HS6ST3: variants seen among roughly 807,000 people sequenced by gnomAD.
The protein encoded by HS6ST3 is heparan sulfate 6-O-sulfotransferase 3, also known as heparan-sulfate 6-O-sulfotransferase 3.
A neutral mutation model predicts 36.7 loss-of-function variants in HS6ST3; 12 were observed. The ratio of observed to expected loss-of-function variants is 0.33; its 90% CI spans 0.21 to 0.53. The LOEUF (loss-of-function observed/expected upper bound fraction) is 0.53. HS6ST3 is among the 20% of genes least tolerant of loss of function. The pLI is 0.95. For synonymous variants in HS6ST3, 240 were observed against 257.5 expected, an observed-to-expected ratio of 0.93 and a Z score of 0.65; for missense variants, 584 against 640.9, an observed-to-expected ratio of 0.91 and a Z score of 0.96.
At chr13:96,201,885 G>T (rs866595540) in intron 1 of HS6ST3, among the ~76,000 whole-genome samples, 1 of 152,148 alleles carries the variant, frequency 6.6e-6, no homozygotes. Context: ...CTGTATGTGT[G>T]TGTATATATG....
chr13:96,395,661 T>C, intron 1 of HS6ST3, among the ~76,000 whole-genome samples: 1 of 152,182 alleles, frequency 6.6e-6, no homozygotes, highest in South Asian at 2.1e-4. Flanking sequence ...GAAAACTATT[T>C]TGGGGGGTCT....
intron 1 of HS6ST3, among the ~76,000 whole-genome samples, chr13:96,785,385 T>C (rs1005251281): frequency 6.6e-6 from 1 of 151,792 alleles, no homozygotes; most frequent in Non-Finnish European, 1.5e-5. Flanking sequence ...AATGAAGAAA[T>C]AACTCAGATC....
At chr13:96,585,804 A>G (rs183158276) in intron 1 of HS6ST3, among the ~76,000 whole-genome samples, 1 of 152,338 alleles carries the variant, frequency 6.6e-6, no homozygotes, top group Admixed American at 6.5e-5. Context: ...ATGGTTGACT[A>G]GTGTTCCACT....
intron 1 of HS6ST3, among the ~76,000 whole-genome samples, chr13:96,132,179 A>G (rs1260245889): frequency 7.0e-6 from 1 of 143,860 alleles, no homozygotes; most frequent in Non-Finnish European, 1.5e-5. Flanking sequence ...CACAGAGCGC[A>G]TTTTCTTTTT....
intron 1 of HS6ST3, among the ~76,000 whole-genome samples, chr13:96,254,498 T>TACACACATACATACAC (rs1249145694): frequency 4.8e-4 from 10 of 20,848 alleles, no homozygotes; most frequent in African/African-American, 1.6e-3. Context: ...TATATATATA[T>TACACACATACATACAC]ACACATACAT....
chr13:96,683,478 T>C (rs546030249), intron 1 of HS6ST3, among the ~76,000 whole-genome samples: 1 of 152,250 alleles, frequency 6.6e-6, no homozygotes, highest in Admixed American at 6.6e-5. Flanking sequence ...TACTAGCAGG[T>C]ATTATTTCAT....
At chr13:96,127,556 G>A (rs942862417) in intron 1 of HS6ST3, among the ~76,000 whole-genome samples, 2 of 152,198 alleles carry the variant, frequency 1.3e-5, no homozygotes, top group Non-Finnish European at 2.9e-5. Flanking sequence ...ATTGGTCTGT[G>A]GCCTTGGGGT....
chr13:96,539,841 C>G (rs901198440), intron 1 of HS6ST3, among the ~76,000 whole-genome samples: 1 of 152,210 alleles, frequency 6.6e-6, no homozygotes, highest in Non-Finnish European at 1.5e-5. Flanking sequence ...GACACATCCG[C>G]TTGTTCTACC....
chr13:96,323,742 A>G (rs1026203604), intron 1 of HS6ST3, among the ~76,000 whole-genome samples: 4 of 151,978 alleles, frequency 2.6e-5, no homozygotes, highest in African/African-American at 2.4e-5. Context: ...GGCACTTTCT[A>G]TTTTCCTTCC....
chr13:96,664,123 G>A (rs147597176), intron 1 of HS6ST3, among the ~76,000 whole-genome samples: 179 of 152,170 alleles, frequency 1.2e-3, no homozygotes, highest in African/African-American at 4.1e-3. Flanking sequence ...AAATTTTGTG[G>A]TGTTATATAA....
At chr13:96,266,107 G>A (rs753892613) in intron 1 of HS6ST3, among the ~76,000 whole-genome samples, 1 of 152,218 alleles carries the variant, frequency 6.6e-6, no homozygotes, top group Middle Eastern at 3.4e-3. Context: ...GATGCAAGAC[G>A]TTTTAGTCTA....
chr13:96,591,618 A>G (rs2056382514), intron 1 of HS6ST3, among the ~76,000 whole-genome samples: 1 of 152,022 alleles, frequency 6.6e-6, no homozygotes, highest in South Asian at 2.1e-4. Flanking sequence ...GGGTTTTCCA[A>G]ATATAGGATC....
intron 1 of HS6ST3, among the ~76,000 whole-genome samples, chr13:96,172,949 C>A (rs951309768): frequency 1.8e-4 from 28 of 152,184 alleles, no homozygotes; most frequent in Admixed American, 5.2e-4. Context: ...ACTCTTCATT[C>A]AAGCATGCAT....
chr13:96,816,752 G>A (rs112181535), intron 1 of HS6ST3, among the ~76,000 whole-genome samples: 4 of 152,270 alleles, frequency 2.6e-5, no homozygotes, highest in African/African-American at 9.6e-5. Flanking sequence ...TAGAGAAAAG[G>A]CAGTTGTCAA....
chr13:96,389,997 C>T (rs1054727736), intron 1 of HS6ST3, among the ~76,000 whole-genome samples: 1 of 152,008 alleles, frequency 6.6e-6, no homozygotes, highest in Non-Finnish European at 1.5e-5. Flanking sequence ...TGTGTAATTT[C>T]TTTTTTTGGT....
At chr13:96,598,633 ACTT>A (rs1210994514) in intron 1 of HS6ST3, among the ~76,000 whole-genome samples, 1 of 152,012 alleles carries the variant, frequency 6.6e-6, no homozygotes, top group Non-Finnish European at 1.5e-5. Context: ...AGATAGTTTG[ACTT>A]CTTCTTTTCC....
At chr13:96,603,019 A>G (rs1335919738) in intron 1 of HS6ST3, among the ~76,000 whole-genome samples, 3 of 152,078 alleles carry the variant, frequency 2.0e-5, no homozygotes, top group Non-Finnish European at 4.4e-5. Context: ...TGGCTTTCTT[A>G]GCTTTTGTGA....
At chr13:96,571,625 T>G (rs2138962368) in intron 1 of HS6ST3, among the ~76,000 whole-genome samples, 1 of 152,332 alleles carries the variant, frequency 6.6e-6, no homozygotes, top group South Asian at 2.1e-4. Flanking sequence ...AAGCTAGTCT[T>G]GCAGTAATTG....
intron 1 of HS6ST3, among the ~76,000 whole-genome samples, chr13:96,471,890 C>T (rs2055841872): frequency 6.6e-6 from 1 of 152,118 alleles, no homozygotes; most frequent in South Asian, 2.1e-4. Context: ...TTTTCTTGTT[C>T]ATGGGTATGT....
Sources: allele counts gnomAD v4.1 joint callset (sites outside exome capture counted in the v4.1 genomes callset), GRCh38; gene constraint gnomAD v4.1.1; transcripts MANE v1.5; gene names NCBI Gene and HGNC (gene_info 2026-07-23, HGNC 2026-07-21).